LTN1: variants seen among roughly 807,000 people sequenced by gnomAD.
LTN1 encodes the protein listerin E3 ubiquitin protein ligase 1, also known as E3 ubiquitin-protein ligase listerin.
LTN1 carries 88 observed loss-of-function variants against 201.2 expected under a neutral mutation model. The ratio of observed to expected loss-of-function variants is 0.44; its 90% CI spans 0.37 to 0.52. LTN1 has a LOEUF of 0.52. LTN1 is among the 20% of genes least tolerant of loss of function. The pLI is 0.00. For missense variants in LTN1, 1,752 were observed against 2,038.7 expected, an observed-to-expected ratio of 0.86 and a Z score of 2.71; for synonymous variants, 645 against 713.5, an observed-to-expected ratio of 0.90 and a Z score of 1.53.
chr21:28,953,462 A>C, intron 16 of LTN1, 86 bp from the exon 17 acceptor site: 11 of 976,418 alleles, frequency 1.1e-5, no homozygotes, highest in African/African-American at 1.7e-5. Flanking sequence ...TTGTTTTCTA[A>C]CACTGTTGTG....
chr21:28,931,053 T>C, intron 29 of LTN1, 102 bp downstream of exon 29: 1 of 691,892 alleles, frequency 1.4e-6, no homozygotes, highest in Non-Finnish European at 2.3e-6. Context: ...CTTCCGAAGT[T>C]AGACATTGTG....
chr21:28,966,520 A>T lies in LTN1; in HGVS notation c.1971T>A (p.Pro657=). ...GTTTCTGGTATAAAAACTGCACCGC[A>T]GGATTTTTTTGTACAAGCTTGGCTA... ...LEIAKLVQKN[P]AVQFLYQKLI... Residue 657 remains proline (P), a synonymous_variant, in exon 10 of 30, where the codon CCT becomes CCA. Transcript: ENST00000361371. 1.2e-6 allele frequency: 2 copies of T among 1,614,170 alleles called. No individual in the cohort carries two copies. The highest frequency in any genetic ancestry group is 1.7e-6 in the Non-Finnish European group (2 of 1,180,024).
At chr21:28,941,184 G>A (rs937693580) in intron 25 of LTN1, 36 bp downstream of exon 25, 6 of 1,485,278 alleles carry the variant, frequency 4.0e-6, no homozygotes, top group Non-Finnish European at 4.7e-6. Flanking sequence ...AGCATATTAG[G>A]ACAGAACTAT....
Position 28,944,434 on chromosome 21 carries a change from A to C in LTN1, c.3931T>G (p.Phe1311Val). 6.2e-7 allele frequency: 1 copy of C among 1,614,042 alleles called. No homozygotes were observed. The highest frequency in any genetic ancestry group is 8.5e-7 in the Non-Finnish European group (1 of 1,179,944). The change falls in exon 22 of 30, where the codon TTT becomes GTT. Residue 1311 changes from phenylalanine (F) to valine (V), a missense_variant. Phe to Val is a conservative substitution (Grantham distance 50). Transcript: ENST00000361371. ...VNLISEWKEF[F>V]SQGIHSLLLP... is the part of the protein sequence containing the mutation. ...AGCAAACTGTGGATGCCTTGGGAAA[A>C]AAATTCTTTCCATTCACTGATTAGA...
At chr21:28,964,825 T>C in intron 11 of LTN1, 4 of 1,480,802 alleles carry the variant, frequency 2.7e-6, no homozygotes, top group Middle Eastern at 1.8e-4. Flanking sequence ...CCCCCTGCTC[T>C]GAATCAAGGC....
chr21:28,953,482 C>A, intron 16 of LTN1, 106 bp from the exon 17 acceptor site: 1 of 720,416 alleles, frequency 1.4e-6, no homozygotes, highest in Non-Finnish European at 2.2e-6. Flanking sequence ...GCCCACTCAT[C>A]TCAAAACTCC....
Position 28,943,893 on chromosome 21 carries a change from C to T in LTN1, c.3994G>A (p.Asp1332Asn). The change falls in exon 23 of 30, where the codon GAT becomes AAT. Residue 1332 changes from aspartate (D) to asparagine (N), a missense_variant. By Grantham distance (23) the Asp-to-Asn change is conservative. Transcript: ENST00000361371. ...ILVTVTGENKDVSETSFQNAM... is the reference protein window; with the variant it reads ...ILVTVTGENKNVSETSFQNAM... ...TTCTGAAAGGATGTTTCAGACACAT[C>T]TTTGTTTTCTCCTAATGACAAAAAG... 6.2e-7 allele frequency: 1 copy of T among 1,608,050 alleles called. No homozygotes were observed. The highest frequency in any genetic ancestry group is 1.1e-5 in the South Asian group (1 of 90,946).
intron 1 of LTN1, among the ~76,000 whole-genome samples, chr21:28,991,504 TC>T (rs2084745755): frequency 6.6e-6 from 1 of 152,090 alleles, no homozygotes; most frequent in Non-Finnish European, 1.5e-5. Context: ...TGCAACTAAC[TC>T]TTATAAGTTC....
At chr21:28,936,928 G>A (rs914239272) in intron 25 of LTN1, among the ~76,000 whole-genome samples, 3 of 152,134 alleles carry the variant, frequency 2.0e-5, no homozygotes, top group Non-Finnish European at 4.4e-5. Context: ...CATTCCCACA[G>A]ATGACTCCCT....
At chr21:28,962,794 T>A (rs2084490000) in intron 11 of LTN1, among the ~76,000 whole-genome samples, 1 of 152,222 alleles carries the variant, frequency 6.6e-6, no homozygotes, top group South Asian at 2.1e-4. Context: ...AGCCAAGTTG[T>A]GAATGCAAAG....
At chr21:28,957,562 G>A (rs1192396565) in intron 14 of LTN1, 86 bp from the exon 15 acceptor site, 9 of 828,098 alleles carry the variant, frequency 1.1e-5, no homozygotes, top group Non-Finnish European at 1.5e-5. Context: ...CCCTATAATA[G>A]CTCACCTGAA....
chr21:28,955,941 A>C (rs2084421874), intron 16 of LTN1, among the ~76,000 whole-genome samples: 2 of 151,618 alleles, frequency 1.3e-5, no homozygotes, highest in Admixed American at 1.3e-4. Flanking sequence ...AAAAAAAAAA[A>C]AAAGGAATGA....
chr21:28,952,329 C>A, intron 17 of LTN1, 65 bp from the exon 18 acceptor site: 1 of 902,268 alleles, frequency 1.1e-6, no homozygotes, highest in Non-Finnish European at 1.7e-6. Flanking sequence ...TGTTTAAACA[C>A]TGGCTAGCTG....
chr21:28,939,938 T>C (rs2084284464), intron 25 of LTN1, among the ~76,000 whole-genome samples: 1 of 152,194 alleles, frequency 6.6e-6, no homozygotes, highest in Non-Finnish European at 1.5e-5. Context: ...GCTTCTGTGA[T>C]TTGACTTTTC....
chr21:28,988,610 G>A (rs2084719954), intron 1 of LTN1, among the ~76,000 whole-genome samples: 1 of 151,964 alleles, frequency 6.6e-6, no homozygotes, highest in South Asian at 2.1e-4. Context: ...TTTTCAATCT[G>A]TAGCATTTAA....
At chr21:28,982,484 CTAA>C in intron 4 of LTN1, 116 bp from the exon 5 acceptor site, 1 of 740,746 alleles carries the variant, frequency 1.3e-6, no homozygotes, top group Non-Finnish European at 2.3e-6. Flanking sequence ...ATCATCTTAC[CTAA>C]GAGCAGAATC....
chr21:28,948,465 G>T (rs1359799276), intron 18 of LTN1, among the ~76,000 whole-genome samples: 1 of 151,210 alleles, frequency 6.6e-6, no homozygotes, highest in Non-Finnish European at 1.5e-5. Flanking sequence ...TGGAGATGGG[G>T]TTTTACCATG....
chr21:28,952,139 A>G lies in LTN1; in HGVS notation c.3344+21T>C, dbSNP rs568510635. On this transcript the variant is annotated intron_variant, in intron 18 of 29. Transcript: ENST00000361371. ...CCGATTACAGTAAACTACAAAGTAA[A>G]AACATTTTAAATAAGAATACCTTTC... is the stretch of plus-strand genomic sequence containing the variant. The G allele has an allele frequency of 8.2e-6, 12 of 1,469,958 alleles. No individual in the cohort carries two copies. The South Asian group carries it at 1.3e-4, about 16-fold the overall frequency. The allele number at this position is 1,469,958 out of a possible 1,614,324, so 91.1% of individuals were successfully genotyped here. A position where few individuals can be genotyped will look rare whatever the true frequency, so the allele number is the denominator to read the frequency against.
At chr21:28,982,489 A>G (rs2084666968) in intron 4 of LTN1, 121 bp from the exon 5 acceptor site, 1 of 714,310 alleles carries the variant, frequency 1.4e-6, no homozygotes, top group African/African-American at 1.8e-5. Flanking sequence ...CTTACCTAAG[A>G]GCAGAATCAA....
Sources: allele counts gnomAD v4.1 joint callset (sites outside exome capture counted in the v4.1 genomes callset), GRCh38; gene constraint gnomAD v4.1.1; transcripts MANE v1.5; gene names NCBI Gene and HGNC (gene_info 2026-07-23, HGNC 2026-07-21).